RBM41: variants seen among roughly 807,000 people sequenced by gnomAD.
RBM41 encodes RNA binding motif protein 41.
In RBM41, 14 loss-of-function variants were observed where a neutral mutation model predicts 30.8. That is an observed-to-expected ratio of 0.45 (90% CI 0.30 to 0.71). The LOEUF (loss-of-function observed/expected upper bound fraction) is 0.71, where lower values mean the gene tolerates loss of function less well. RBM41 is among the 30% of genes least tolerant of loss of function. The probability of loss-of-function intolerance (pLI) is 0.08; values close to 1 mark genes in which losing one functional copy is unlikely to be tolerated. For synonymous variants in RBM41, 120 were observed against 110.1 expected, an observed-to-expected ratio of 1.09 and a Z score of -0.56; for missense variants, 276 against 326.3, an observed-to-expected ratio of 0.85 and a Z score of 1.19.
intron 5 of RBM41, among the ~76,000 whole-genome samples, chrX:107,108,374 A>T (rs1329197669): frequency 8.1e-5 from 9 of 111,550 alleles, no homozygotes; most frequent in Non-Finnish European, 1.7e-4. Flanking sequence ...CGTGACTCCC[A>T]TTGAATAAAG....
chrX:107,055,748 C>T, the RBM41 span, among the ~76,000 whole-genome samples: 37 of 112,554 alleles, frequency 3.3e-4, no homozygotes, highest in African/African-American at 1.1e-3. Context: ...TTGAATTCCT[C>T]AAAGTTCTTG....
At chrX:107,101,877 G>A (rs1205016563) in intron 5 of RBM41, among the ~76,000 whole-genome samples, 1 of 111,829 alleles carries the variant, frequency 8.9e-6, no homozygotes, top group Non-Finnish European at 1.9e-5. Flanking sequence ...AATGAGTAGA[G>A]GCTGGAAGAA....
chrX:107,063,780 T>C lies in RBM41; in HGVS notation c.*3747A>G, dbSNP rs950214960. ...TGTGTCAGTTTTACTGATCTTTTTA[T>C]AGAATCAACTTTTGGTTGCATTGAT... On this transcript the variant is annotated 3_prime_UTR_variant, in exon 8 of 8. Transcript: ENST00000685964. Among the ~76,000 whole-genome samples the C allele has an allele frequency of 4.5e-5, 5 of 110,893 alleles. No individual in the cohort carries two copies. In the South Asian group the frequency reaches 1.9e-3, roughly 42 times the overall value.
At chrX:107,088,910 A>G in intron 5 of RBM41, 71 bp from the exon 6 acceptor site, 1 of 1,127,784 alleles carries the variant, frequency 8.9e-7, no homozygotes, top group Non-Finnish European at 1.2e-6. Context: ...ATTAATAAAA[A>G]TTAAATCCTG....
At chrX:107,073,361 C>A (rs1209958497) in intron 6 of RBM41, among the ~76,000 whole-genome samples, 2 of 111,927 alleles carry the variant, frequency 1.8e-5, no homozygotes, top group Non-Finnish European at 3.8e-5. Flanking sequence ...AGAAGACATA[C>A]AAATTGCCAA....
rs909614407 is a variant in RBM41, at chrX:107,065,648, A to T, written c.*1879T>A. The T allele has an allele frequency of 1.8e-5, 15 of 817,733 alleles. No individual in the cohort carries two copies. Among genetic ancestry groups the T allele is most frequent in the Admixed American group, 1.3e-4 (3 of 22,558 alleles). 67.4% of individuals were successfully genotyped at this position (817,733 alleles called of 1,213,427 possible). Reference sequence around the variant, plus strand: ...TATATGTTTATAGTTTTTTTATATTAAACTTATTTCCTATTTCACGTTCTC... The same window carrying T: ...TATATGTTTATAGTTTTTTTATATTTAACTTATTTCCTATTTCACGTTCTC... On this transcript the variant is annotated 3_prime_UTR_variant, in exon 8 of 8. Coordinates refer to ENST00000685964, the MANE Select transcript of RBM41 (RefSeq NM_001324242.2).
chrX:107,089,681 T>A (rs2147609551), intron 5 of RBM41, among the ~76,000 whole-genome samples: 1 of 112,028 alleles, frequency 8.9e-6, no homozygotes, highest in East Asian at 2.8e-4. Context: ...TAGGAAATAA[T>A]CCTTTATAGA....
At chrX:107,056,679 T>C in the RBM41 span, among the ~76,000 whole-genome samples, 1 of 111,902 alleles carries the variant, frequency 8.9e-6, no homozygotes, top group African/African-American at 3.2e-5. Context: ...CATAGTATTC[T>C]CTTATAATCC....
At chrX:107,117,931 G>A (rs1925015666) in intron 1 of RBM41, among the ~76,000 whole-genome samples, 1 of 111,160 alleles carries the variant, frequency 9.0e-6, no homozygotes. Flanking sequence ...TTCGCATGGA[G>A]GAGATATCAT....
At chrX:107,118,164 G>A (rs777768469) in intron 1 of RBM41, among the ~76,000 whole-genome samples, 27 of 110,426 alleles carry the variant, frequency 2.4e-4, no homozygotes, top group Non-Finnish European at 5.1e-4. Context: ...TTTACCTCAG[G>A]ACAAGTAAGG....
chrX:107,074,146 GATAA>G (rs1300750825), intron 6 of RBM41, among the ~76,000 whole-genome samples: 7 of 111,118 alleles, frequency 6.3e-5, no homozygotes, highest in Non-Finnish European at 1.1e-4. Context: ...ATGAAGAAAT[GATAA>G]ATACTTAAGA....
chrX:107,104,923 C>T (rs1923813740), intron 5 of RBM41, among the ~76,000 whole-genome samples: 1 of 110,805 alleles, frequency 9.0e-6, no homozygotes, highest in East Asian at 2.8e-4. Context: ...ACTGAATGGG[C>T]AAAAACTGGA....
rs1191269377 is a variant in RBM41 at position 107,115,352 on chromosome X, C to T, written c.523G>A (p.Ala175Thr). 8.3e-7 allele frequency: 1 copy of T among 1,209,917 alleles called. No homozygotes were observed. Among genetic ancestry groups the T allele is most frequent in the East Asian group, 3.0e-5 (1 of 33,836 alleles). Reference sequence around the variant, plus strand: ...ATCAAAGTCAGTGGGGATCACATACCTTGGTAATAAAGAGCCTTAAGGAAG... The same window carrying T: ...ATCAAAGTCAGTGGGGATCACATACTTTGGTAATAAAGAGCCTTAAGGAAG... ...HSFLKALYYQ[A>T]YHKKTSADKY... The change falls in exon 4 of 8, where the codon GCA becomes ACA. Residue 175 changes from alanine (A) to threonine (T), a missense_variant and splice_region_variant. Ala to Thr is a moderately conservative substitution (Grantham distance 58). Coordinates refer to ENST00000685964, the MANE Select transcript of RBM41 (RefSeq NM_001324242.2).
At chrX:107,107,805 C>A (rs749484405) in intron 5 of RBM41, among the ~76,000 whole-genome samples, 1 of 110,594 alleles carries the variant, frequency 9.0e-6, no homozygotes, top group South Asian at 3.9e-4. Context: ...ATTAAAAGGT[C>A]AAGGAACTGG....
chrX:107,085,258 TTC>T (rs1313362646), intron 6 of RBM41, among the ~76,000 whole-genome samples: 1 of 85,725 alleles, frequency 1.2e-5, no homozygotes, highest in African/African-American at 6.2e-5. Context: ...TTTTTTCTTT[TTC>T]TTTTTTTTTT....
At chrX:107,094,331 C>T (rs947249234) in intron 5 of RBM41, among the ~76,000 whole-genome samples, 1 of 112,066 alleles carries the variant, frequency 8.9e-6, no homozygotes, top group Non-Finnish European at 1.9e-5. Context: ...AAGCCTCATC[C>T]AGCAACATAC....
the RBM41 span, among the ~76,000 whole-genome samples, chrX:107,054,342 C>T: frequency 9.0e-6 from 1 of 111,697 alleles, no homozygotes; most frequent in Admixed American, 9.5e-5. Flanking sequence ...AATTTCCTTA[C>T]TCAGGTACGC....
intron 6 of RBM41, among the ~76,000 whole-genome samples, chrX:107,086,855 T>C (rs2147949464): frequency 8.9e-6 from 1 of 112,460 alleles, no homozygotes; most frequent in South Asian, 3.7e-4. Context: ...TGATGGTCTA[T>C]TTCTACAATG....
At position 107,065,141 on chromosome X, in the gene RBM41, CTCTT is replaced by C. The variant is rs1258243830; in HGVS notation, c.*2382_*2385del. ...TGTTTTCCATCCTTTTACCTTTAAT[CTCTT>C]TCTATCTTCTAAAGTGTGTCTCAAA... On this transcript the variant is annotated 3_prime_UTR_variant, in exon 8 of 8. Coordinates refer to ENST00000685964, the MANE Select transcript of RBM41 (RefSeq NM_001324242.2). The C allele has an allele frequency of 9.9e-5, 11 of 111,426 alleles. No individual in the cohort carries two copies. In the Admixed American group the frequency reaches 1.0e-3, roughly 11 times the overall value. The allele number at this position is 111,426 out of a possible 1,213,427, so 9.2% of individuals were successfully genotyped here. A position where few individuals can be genotyped will look rare whatever the true frequency, so the allele number is the denominator to read the frequency against.
Sources: gnomAD v4.1 joint callset for allele counts (sites outside exome capture counted in the v4.1 genomes callset) on GRCh38, gnomAD v4.1.1 for gene constraint, MANE v1.5 for transcripts, NCBI Gene and HGNC (gene_info 2026-07-23, HGNC 2026-07-21) for gene names.